MMP26: variants seen among roughly 807,000 people sequenced by gnomAD.
MMP26 encodes the protein matrix metallopeptidase 26.
A neutral mutation model predicts 31.0 loss-of-function variants in MMP26; 33 were observed. The observed-to-expected ratio is 1.06, with a 90% confidence interval of 0.81 to 1.42. The LOEUF (loss-of-function observed/expected upper bound fraction) is 1.42. Ranked by LOEUF, MMP26 falls within the 40% of genes most tolerant of loss-of-function variation. MMP26 has a pLI of 0.00. For synonymous variants in MMP26, 122 were observed against 114.9 expected (o/e 1.06, Z -0.40); for missense variants, 347 against 316.1 (o/e 1.10, Z -0.74).
chr11:4,787,414 A>T (rs756870256), intron 2 of MMP26: 1 of 152,172 alleles, frequency 6.6e-6, no homozygotes, highest in Admixed American at 6.5e-5. Flanking sequence ...GCTTTCCTAC[A>T]TCCTGATAAT....
intron 2 of MMP26, among the ~76,000 whole-genome samples, chr11:4,925,186 G>C (rs956415505): frequency 3.3e-5 from 5 of 152,158 alleles, no homozygotes; most frequent in Non-Finnish European, 7.3e-5. Context: ...GAGAGGTAAA[G>C]TGACCTGGGT....
At chr11:4,800,929 A>G (rs1260074763) in intron 2 of MMP26, among the ~76,000 whole-genome samples, 1 of 151,402 alleles carries the variant, frequency 6.6e-6, no homozygotes. Flanking sequence ...CTCGGGTGCA[A>G]CACAAATGAC....
chr11:4,960,855 T>A (rs1212310843), intron 2 of MMP26, among the ~76,000 whole-genome samples: 1 of 152,182 alleles, frequency 6.6e-6, no homozygotes, highest in African/African-American at 2.4e-5. Flanking sequence ...TACATATTTT[T>A]GCAAGCATAA....
At chr11:4,899,881 T>C (rs1422964497) in intron 2 of MMP26, among the ~76,000 whole-genome samples, 1 of 152,160 alleles carries the variant, frequency 6.6e-6, no homozygotes, top group Non-Finnish European at 1.5e-5. Flanking sequence ...AGAACATAAA[T>C]TGCAGAAATA....
chr11:4,925,771 C>T (rs200045198), intron 2 of MMP26, among the ~76,000 whole-genome samples: 4 of 142,122 alleles, frequency 2.8e-5, no homozygotes, highest in Non-Finnish European at 6.2e-5. Flanking sequence ...CTGTTAACTA[C>T]AAAAAAAAAA....
At chr11:4,773,019 T>A (rs551969086) in intron 2 of MMP26, among the ~76,000 whole-genome samples, 1 of 152,336 alleles carries the variant, frequency 6.6e-6, no homozygotes, top group African/African-American at 2.4e-5. Context: ...ACGACAAAAA[T>A]GAACTATAAT....
intron 2 of MMP26, among the ~76,000 whole-genome samples, chr11:4,827,565 CT>C (rs1849594427): frequency 6.6e-6 from 1 of 151,736 alleles, no homozygotes; most frequent in Admixed American, 6.6e-5. Flanking sequence ...GAGAAAAATG[CT>C]TTTGCAGGGA....
chr11:4,759,359 A>G (rs1390720732), intron 1 of MMP26, among the ~76,000 whole-genome samples: 2 of 152,078 alleles, frequency 1.3e-5, no homozygotes, highest in Non-Finnish European at 2.9e-5. Flanking sequence ...AGCACTTAAG[A>G]CTTCATTTCC....
At chr11:4,798,592 G>GT (rs2133449592) in intron 2 of MMP26, among the ~76,000 whole-genome samples, 1 of 152,308 alleles carries the variant, frequency 6.6e-6, no homozygotes, top group African/African-American at 2.4e-5. Flanking sequence ...GAAATCTGAG[G>GT]TAACTAAAGC....
chr11:4,836,081 A>G (rs756219611), intron 2 of MMP26, among the ~76,000 whole-genome samples: 4 of 152,078 alleles, frequency 2.6e-5, no homozygotes, highest in Non-Finnish European at 4.4e-5. Context: ...GTGAAAACTT[A>G]CCGTTAATGT....
intron 2 of MMP26, among the ~76,000 whole-genome samples, chr11:4,934,123 G>A (rs1455697220): frequency 1.6e-5 from 2 of 122,802 alleles, no homozygotes; most frequent in Non-Finnish European, 3.4e-5. Context: ...GGTATTTCTA[G>A]TTCTAGATCC....
Position 4,988,236 on chromosome 11 carries a change from A to T in MMP26, c.25A>T (p.Thr9Ser), listed in dbSNP as rs1589825460. 5 of 1,614,070 alleles carry T rather than the reference A, an allele frequency of 3.1e-6. No homozygotes were observed. The highest frequency in any genetic ancestry group is 4.2e-6 in the Non-Finnish European group (5 of 1,180,014). ...CATGCAGCTCGTCATCTTAAGAGTT[A>T]CTATCTTCTTGCCCTGGTGTTTCGC... MQLVILRV[T>S]IFLPWCFAVP... The change falls in exon 3 of 8, where the codon ACT (threonine) becomes TCT (serine). Residue 9 changes from threonine to serine, a missense_variant. Physicochemically the swap from Thr to Ser is moderately conservative, Grantham distance 58. Coordinates refer to ENST00000380390, the MANE Select transcript of MMP26 (RefSeq NM_021801.5).
At chr11:4,896,120 T>C (rs1484958873) in intron 2 of MMP26, among the ~76,000 whole-genome samples, 1 of 152,160 alleles carries the variant, frequency 6.6e-6, no homozygotes, top group Non-Finnish European at 1.5e-5. Context: ...GCCACCCTCA[T>C]TTATGTTCCT....
At chr11:4,757,422 A>G (rs1207027537) in intron 1 of MMP26, among the ~76,000 whole-genome samples, 2 of 152,152 alleles carry the variant, frequency 1.3e-5, no homozygotes, top group African/African-American at 4.8e-5. Flanking sequence ...GGGTTAGGCA[A>G]AACATTATTA....
intron 2 of MMP26, among the ~76,000 whole-genome samples, chr11:4,845,614 A>G (rs1442714907): frequency 1.3e-5 from 2 of 152,204 alleles, no homozygotes; most frequent in Admixed American, 6.5e-5. Context: ...TAAGTTAAAA[A>G]GCTTCTGCAT....
intron 2 of MMP26, chr11:4,848,833 T>C: frequency 6.2e-7 from 1 of 1,614,116 alleles, no homozygotes; most frequent in Non-Finnish European, 8.5e-7. Context: ...TCAATGGACA[T>C]GGCGAGCAAG....
intron 2 of MMP26, among the ~76,000 whole-genome samples, chr11:4,834,699 T>C (rs1849692353): frequency 6.6e-6 from 1 of 152,164 alleles, no homozygotes; most frequent in Non-Finnish European, 1.5e-5. Context: ...GCTCTGCCAT[T>C]TCCTGGCTGT....
chr11:4,865,013 A>G (rs752447006), intron 2 of MMP26, among the ~76,000 whole-genome samples: 2 of 152,114 alleles, frequency 1.3e-5, no homozygotes, highest in Non-Finnish European at 2.9e-5. Context: ...TTAACCACTC[A>G]TTCATTCAGC....
chr11:4,958,548 A>G (rs1264444521), intron 2 of MMP26, among the ~76,000 whole-genome samples: 9 of 151,774 alleles, frequency 5.9e-5, no homozygotes, highest in African/African-American at 2.2e-4. Flanking sequence ...CTATCTATCT[A>G]TCATGTCTCT....
Sources: gnomAD v4.1 joint callset for allele counts (sites outside exome capture counted in the v4.1 genomes callset) on GRCh38, gnomAD v4.1.1 for gene constraint, MANE v1.5 for transcripts, NCBI Gene and HGNC (gene_info 2026-07-23, HGNC 2026-07-21) for gene names.